HECTD2: variants seen among roughly 807,000 people sequenced by gnomAD.
HECTD2 encodes the protein HECT domain E3 ubiquitin protein ligase 2, also known as probable E3 ubiquitin-protein ligase HECTD2.
Under a neutral mutation model 103.2 loss-of-function variants are expected in HECTD2, and 35 were observed. The ratio of observed to expected loss-of-function variants is 0.34; its 90% CI spans 0.26 to 0.45. The LOEUF (loss-of-function observed/expected upper bound fraction) is 0.45. Ranked by LOEUF, HECTD2 falls within the 20% of genes least tolerant of loss-of-function variation. The pLI, the probability that HECTD2 is intolerant of heterozygous loss-of-function variation, is 1.00. For missense variants in HECTD2, 596 were observed against 937.4 expected (o/e 0.64, Z 4.76); for synonymous variants, 281 against 329.9 (o/e 0.85, Z 1.61).
chr10:91,436,040 T>A (rs573071988), intron 2 of HECTD2, among the ~76,000 whole-genome samples: 2 of 152,150 alleles, frequency 1.3e-5, no homozygotes, highest in South Asian at 4.1e-4. Context: ...TAGTACCCTT[T>A]TATTTCATGG....
chr10:91,506,433 A>C (rs1294294636), intron 20 of HECTD2, among the ~76,000 whole-genome samples: 3 of 151,298 alleles, frequency 2.0e-5, no homozygotes, highest in Non-Finnish European at 4.5e-5. Flanking sequence ...AAAAAATGAT[A>C]AAGGGGATAT....
chr10:91,449,282 C>T (rs953668792), intron 2 of HECTD2, among the ~76,000 whole-genome samples: 2 of 152,064 alleles, frequency 1.3e-5, no homozygotes, highest in African/African-American at 4.8e-5. Context: ...TCAACAGAAC[C>T]AATGACAAAA....
chr10:91,489,976 ATATAAGCCTG>A (rs1379901565), intron 11 of HECTD2: 1 of 152,220 alleles, frequency 6.6e-6, no homozygotes, highest in Non-Finnish European at 1.5e-5. Flanking sequence ...TTAGATAAAT[ATATAAGCCTG>A]TGGATTTTAT....
intron 6 of HECTD2, among the ~76,000 whole-genome samples, chr10:91,479,360 TGA>T (rs1264550983): frequency 1.3e-5 from 2 of 152,176 alleles, no homozygotes; most frequent in Non-Finnish European, 2.9e-5. Flanking sequence ...ATCAATAGAG[TGA>T]GACTGTCTCA....
intron 5 of HECTD2, 126 bp downstream of exon 5, chr10:91,462,310 T>C (rs1488641181): frequency 1.2e-5 from 14 of 1,179,676 alleles, no homozygotes; most frequent in Non-Finnish European, 1.3e-5. Flanking sequence ...TTATAGTAAA[T>C]GTAGCTGGAA....
chr10:91,459,320 A>G (rs1385218910), intron 2 of HECTD2, among the ~76,000 whole-genome samples: 1 of 152,010 alleles, frequency 6.6e-6, no homozygotes, highest in Non-Finnish European at 1.5e-5. Flanking sequence ...AAAACTAAAC[A>G]TGCAACTGCC....
At chr10:91,464,758 A>G (rs1476325938) in intron 5 of HECTD2, 5 of 152,856 alleles carry the variant, frequency 3.3e-5, no homozygotes, top group African/African-American at 4.8e-5. Context: ...GGGCTTGGCC[A>G]TGGTTGGCCT....
intron 2 of HECTD2, among the ~76,000 whole-genome samples, chr10:91,443,850 T>A (rs902314778): frequency 2.6e-5 from 4 of 152,202 alleles, no homozygotes; most frequent in African/African-American, 9.6e-5. Context: ...GTGTTACAAT[T>A]TTATATCCTT....
At chr10:91,510,504 T>C (rs1052594689) in intron 20 of HECTD2, among the ~76,000 whole-genome samples, 20 of 152,336 alleles carry the variant, frequency 1.3e-4, no homozygotes, top group African/African-American at 4.3e-4. Flanking sequence ...AATATTGATA[T>C]TGTTTTCTTT....
intron 9 of HECTD2, 88 bp downstream of exon 9, chr10:91,484,743 A>G (rs767817874): frequency 8.2e-6 from 8 of 970,756 alleles, no homozygotes; most frequent in Non-Finnish European, 1.2e-5. Context: ...CTATAGAGGC[A>G]TTCTTAAATT....
At chr10:91,495,517 ATAAT>A (rs1846634271) in intron 14 of HECTD2, among the ~76,000 whole-genome samples, 1 of 152,080 alleles carries the variant, frequency 6.6e-6, no homozygotes, top group African/African-American at 2.4e-5. Flanking sequence ...ACTTTATATA[ATAAT>A]TGACTGTTGA....
At chr10:91,489,949 A>C (rs1846405210) in intron 11 of HECTD2, 1 of 152,210 alleles carries the variant, frequency 6.6e-6, no homozygotes. Flanking sequence ...AAAAAGATAT[A>C]GTCTAATAAA....
At chr10:91,449,590 G>T (rs1405160641) in intron 2 of HECTD2, among the ~76,000 whole-genome samples, 1 of 152,156 alleles carries the variant, frequency 6.6e-6, no homozygotes, top group Non-Finnish European at 1.5e-5. Context: ...AATAGGAAGA[G>T]AGGAAGTCAA....
At chr10:91,443,999 A>C (rs573424552) in intron 2 of HECTD2, among the ~76,000 whole-genome samples, 2 of 152,298 alleles carry the variant, frequency 1.3e-5, no homozygotes, top group Admixed American at 1.3e-4. Flanking sequence ...TCTTTATGAA[A>C]GGGAAAGAAA....
chr10:91,460,834 AAAT>A (rs935754450), intron 3 of HECTD2, among the ~76,000 whole-genome samples: 2 of 152,192 alleles, frequency 1.3e-5, no homozygotes, highest in Admixed American at 6.5e-5. Context: ...GGTGGTAATT[AAAT>A]AATAGACTGT....
intron 4 of HECTD2, among the ~76,000 whole-genome samples, 166 bp from the exon 5 acceptor site, chr10:91,461,929 A>G (rs889406443): frequency 8.5e-5 from 13 of 152,208 alleles, no homozygotes; most frequent in African/African-American, 3.1e-4. Context: ...TTATTAAAAT[A>G]ATCTTTGTAC....
chr10:91,456,912 T>C (rs549900866), intron 2 of HECTD2, among the ~76,000 whole-genome samples: 1 of 152,142 alleles, frequency 6.6e-6, no homozygotes, highest in East Asian at 1.9e-4. Context: ...GATGGCTCTT[T>C]GACAAGATCA....
intron 20 of HECTD2, among the ~76,000 whole-genome samples, chr10:91,509,389 G>A (rs1451572360): frequency 6.6e-6 from 1 of 152,108 alleles, no homozygotes; most frequent in African/African-American, 2.4e-5. Context: ...TAGCCATTGT[G>A]GAAAGCAGTA....
chr10:91,461,542 T>G (rs117679427), intron 4 of HECTD2, among the ~76,000 whole-genome samples, 186 bp downstream of exon 4: 1,712 of 152,092 alleles, frequency 0.011, 20 homozygotes, highest in Non-Finnish European at 0.015. Context: ...ATGGGTTTTT[T>G]GAGGGGGTTG....
Sources: gnomAD v4.1 joint callset for allele counts (sites outside exome capture counted in the v4.1 genomes callset) on GRCh38, gnomAD v4.1.1 for gene constraint, MANE v1.5 for transcripts, NCBI Gene and HGNC (gene_info 2026-07-23, HGNC 2026-07-21) for gene names.